Variants in ARHGEF10L observed in about 807,000 individuals in gnomAD.
ARHGEF10L encodes rho guanine nucleotide exchange factor 10-like protein.
ARHGEF10L carries 69 observed loss-of-function variants against 141.2 expected under a neutral mutation model. The ratio of observed to expected loss-of-function variants is 0.49; its 90% CI spans 0.40 to 0.60. The LOEUF is 0.60. ARHGEF10L is among the 20% of genes least tolerant of loss of function. The pLI is 0.00. For missense variants in ARHGEF10L, 1,482 were observed against 1,734.3 expected, an observed-to-expected ratio of 0.85 and a Z score of 2.58; for synonymous variants, 711 against 718.5, an observed-to-expected ratio of 0.99 and a Z score of 0.17.
chr1:17,559,033 G>A (rs1349554040), intron 1 of ARHGEF10L, among the ~76,000 whole-genome samples: 1 of 152,188 alleles, frequency 6.6e-6, no homozygotes, highest in African/African-American at 2.4e-5. Flanking sequence ...GTTGGGGTGT[G>A]GGGGGAGCAG....
chr1:17,594,779 C>T (rs1025429008), intron 4 of ARHGEF10L, among the ~76,000 whole-genome samples: 24 of 152,150 alleles, frequency 1.6e-4, no homozygotes, highest in African/African-American at 5.8e-4. Context: ...GCCACCATAC[C>T]CGGCCCCCTC....
intron 22 of ARHGEF10L, among the ~76,000 whole-genome samples, chr1:17,651,610 A>G (rs1055807102): frequency 6.6e-6 from 1 of 152,122 alleles, no homozygotes; most frequent in African/African-American, 2.4e-5. Flanking sequence ...AGAAACCCCC[A>G]TCCAGGTGGG....
chr1:17,575,034 G>T (rs1289616958), intron 1 of ARHGEF10L, among the ~76,000 whole-genome samples: 1 of 152,196 alleles, frequency 6.6e-6, no homozygotes, highest in Non-Finnish European at 1.5e-5. Context: ...TTCCTGGTCT[G>T]TGCCCTTTGG....
upstream of ARHGEF10L, among the ~76,000 whole-genome samples, chr1:17,535,928 G>C (rs541324743): frequency 2.4e-4 from 36 of 152,322 alleles, no homozygotes; most frequent in African/African-American, 7.0e-4. Flanking sequence ...CACAGTCCGG[G>C]GGGGAGACAT....
intron 26 of ARHGEF10L, among the ~76,000 whole-genome samples, chr1:17,682,625 A>G (rs887239066): frequency 6.6e-6 from 1 of 152,100 alleles, no homozygotes; most frequent in African/African-American, 2.4e-5. Context: ...CGGCTGCTCT[A>G]GTGTATAAAC....
chr1:17,520,309 G>A, the ARHGEF10L span, among the ~76,000 whole-genome samples: 2 of 152,164 alleles, frequency 1.3e-5, no homozygotes, highest in East Asian at 1.9e-4. Flanking sequence ...GGCTCTGTGT[G>A]GGCCCAGCCC....
At chr1:17,539,562 G>A (rs887038167), upstream of ARHGEF10L, among the ~76,000 whole-genome samples, 1 of 151,910 alleles carries the variant, frequency 6.6e-6, no homozygotes, top group Non-Finnish European at 1.5e-5. The surrounding 1 kb of genome is among the most constrained non-coding windows in gnomAD (Gnocchi z 6.0). Context: ...GCTCGCAGCG[G>A]GTCGGGGGAG....
At chr1:17,681,563 G>T (rs1267873321) in intron 26 of ARHGEF10L, among the ~76,000 whole-genome samples, 1 of 152,210 alleles carries the variant, frequency 6.6e-6, no homozygotes, top group Non-Finnish European at 1.5e-5. Context: ...AAGTTCCACA[G>T]TCTGGAATTG....
At chr1:17,638,114 G>A in intron 19 of ARHGEF10L, 111 bp downstream of exon 19, 1 of 965,482 alleles carries the variant, frequency 1.0e-6, no homozygotes, top group Non-Finnish European at 1.5e-6. Flanking sequence ...TCCCCGATGT[G>A]CTCCTAGCTT....
chr1:17,660,330 C>A (rs1353313323), intron 25 of ARHGEF10L, among the ~76,000 whole-genome samples: 1 of 152,190 alleles, frequency 6.6e-6, no homozygotes, highest in African/African-American at 2.4e-5. Context: ...GGATTGAGTC[C>A]TCACTGTGAG....
Position 17,640,282 on chromosome 1 carries a change from A to T in ARHGEF10L, c.2252A>T (p.His751Leu). The T allele has an allele frequency of 6.2e-7, 1 of 1,612,636 alleles. No homozygotes were observed. Among genetic ancestry groups the T allele is most frequent in the Non-Finnish European group, 8.5e-7 (1 of 1,179,474 alleles). Residue 751 changes from histidine (H) to leucine (L), a missense_variant, in exon 21 of 29, where the codon CAT becomes CTT. By Grantham distance (99) the His-to-Leu change is moderately conservative. Coordinates refer to ENST00000361221, the MANE Select transcript of ARHGEF10L (RefSeq NM_018125.4). ...LSKISWVNRL[H>L]LAKIGLREEN... ...AAGATTTCCTGGGTCAACAGGTTAC[A>T]TTTGGCCAAAATCGGACTCCGTGAG...
At position 17,634,989 on chromosome 1, in the gene ARHGEF10L, A is replaced by G; in HGVS notation, c.1900A>G (p.Lys634Glu). Residue 634 changes from lysine to glutamate, a missense_variant, in exon 18 of 29, where the codon AAG (lysine) becomes GAG (glutamate). By Grantham distance (56) the Lys-to-Glu change is moderately conservative. Transcript: ENST00000361221. ...NVLIQHSGAK[K>E]ASASGQAQNK... ...GCTCATCCAGCACTCAGGCGCCAAGAAGGCCTCTGCCTCAGGGCAGGCTCA... is the reference window on the plus strand; with the variant it reads ...GCTCATCCAGCACTCAGGCGCCAAGGAGGCCTCTGCCTCAGGGCAGGCTCA... 1 of 1,614,050 alleles carries G rather than the reference A, an allele frequency of 6.2e-7. No homozygotes were observed. The highest frequency in any genetic ancestry group is 8.5e-7 in the Non-Finnish European group (1 of 1,179,954).
chr1:17,647,987 C>T (rs1010940500), intron 21 of ARHGEF10L, among the ~76,000 whole-genome samples: 50 of 152,142 alleles, frequency 3.3e-4, no homozygotes, highest in African/African-American at 9.4e-4. Flanking sequence ...TGGAGGCAGG[C>T]GGCTTCCTAA....
chr1:17,696,817 G>A (rs200923116), intron 28 of ARHGEF10L, 31 bp from the exon 29 acceptor site: 4 of 1,512,296 alleles, frequency 2.6e-6, no homozygotes, highest in East Asian at 2.3e-5. Context: ...GGGCCTTTGG[G>A]CCCCTTTCTC....
In ARHGEF10L at chr1:17,571,741, C is replaced by T. The variant is rs560844511; in HGVS notation, c.-43-8812C>T. ...TAGAGATAGGGTTTCACCACCTTGA[C>T]CAGGCTGGTCTTGGACCTCTGAGCT... On this transcript the variant is annotated intron_variant, in intron 1 of 28. Coordinates refer to ENST00000361221, the MANE Select transcript of ARHGEF10L (RefSeq NM_018125.4). Among the ~76,000 whole-genome samples the T allele has an allele frequency of 5.3e-5, 8 of 152,280 alleles. No individual in the cohort carries two copies. The East Asian group carries it at 1.5e-3, about 29-fold the overall frequency.
rs913854110 is a variant in ARHGEF10L at position 17,603,732 on chromosome 1, T to A, written c.433+141T>A. The A allele has an allele frequency of 1.3e-6, 1 of 776,996 alleles. No homozygotes were observed. Among genetic ancestry groups the A allele is most frequent in the Non-Finnish European group, 1.9e-6 (1 of 521,450 alleles). 48.1% of individuals were successfully genotyped at this position (776,996 alleles called of 1,614,324 possible). ...TTCTTGTCTTTAGAAACAACTGTAG[T>A]CATCGGGGAGAATCTGGAGATGGCT... On this transcript the variant is annotated intron_variant, in intron 6 of 28. Coordinates refer to ENST00000361221, the MANE Select transcript of ARHGEF10L (RefSeq NM_018125.4). The surrounding 1 kb of genome is among the most constrained non-coding windows in gnomAD (Gnocchi z 4.8).
At chr1:17,546,250 A>G (rs545115362) in intron 1 of ARHGEF10L, among the ~76,000 whole-genome samples, 5 of 152,298 alleles carry the variant, frequency 3.3e-5, no homozygotes, top group South Asian at 2.1e-4. Context: ...AAAAAAATCC[A>G]TGTTAATATC....
At chr1:17,622,548 A>G (rs1430539825) in intron 11 of ARHGEF10L, among the ~76,000 whole-genome samples, 1 of 151,940 alleles carries the variant, frequency 6.6e-6, no homozygotes, top group East Asian at 1.9e-4. Flanking sequence ...TCCCCTCTTG[A>G]GTTTGGATCC....
At chr1:17,633,217 C>T (rs1157292148) in intron 16 of ARHGEF10L, among the ~76,000 whole-genome samples, 1 of 152,254 alleles carries the variant, frequency 6.6e-6, no homozygotes, top group African/African-American at 2.4e-5. Flanking sequence ...CCCAGCTCAC[C>T]TGCTCGCATC....
Sources: allele counts gnomAD v4.1 joint callset (sites outside exome capture counted in the v4.1 genomes callset), GRCh38; gene constraint gnomAD v4.1.1; non-coding constraint Gnocchi (gnomAD v3.1); transcripts MANE v1.5; gene names NCBI Gene and HGNC (gene_info 2026-07-23, HGNC 2026-07-21).